The following KIF1A variants were observed in gnomAD, a reference collection of about 807,000 sequenced individuals.
The protein encoded by KIF1A is kinesin-like protein KIF1A.
Under a neutral mutation model 227.3 loss-of-function variants are expected in KIF1A, and 46 were observed. The ratio of observed to expected loss-of-function variants is 0.20; its 90% CI spans 0.16 to 0.26. The LOEUF (loss-of-function observed/expected upper bound fraction) is 0.26, where lower values mean the gene tolerates loss of function less well. KIF1A is among the 10% of genes least tolerant of loss of function. KIF1A has a pLI of 1.00. For synonymous variants in KIF1A, 1,022 were observed against 1,012.8 expected, an observed-to-expected ratio of 1.01 and a Z score of -0.17; for missense variants, 1,683 against 2,485.9, an observed-to-expected ratio of 0.68 and a Z score of 6.87.
Position 240,788,035 on chromosome 2 carries a change from G to GCCC in KIF1A, c.363+13_363+15dup. The stretch of plus-strand genomic sequence containing the variant: ...CCATCTGCCAGGGCTGCCCCCGCCC[G>GCCC]CCCCCCGCTTCGTGCCTGTGGGATG... On this transcript the variant is annotated intron_variant, in intron 4 of 48. Coordinates refer to ENST00000498729, the MANE Select transcript of KIF1A (RefSeq NM_001244008.2). The surrounding 1 kb of genome is among the most constrained non-coding windows in gnomAD (Gnocchi z 6.6). 1 of 729,724 alleles carries GCCC rather than the reference G, an allele frequency of 1.4e-6. No homozygotes were observed. The highest frequency in any genetic ancestry group is 2.0e-6 in the Non-Finnish European group (1 of 499,634). The allele number at this position is 729,724 out of a possible 1,614,324, so 45.2% of individuals were successfully genotyped here. A position where few individuals can be genotyped will look rare whatever the true frequency, so the allele number is the denominator to read the frequency against.
intron 20 of KIF1A, among the ~76,000 whole-genome samples, chr2:240,763,612 C>T (rs1049681473): frequency 3.3e-5 from 5 of 152,334 alleles, no homozygotes; most frequent in African/African-American, 9.6e-5. Context: ...CCAGTGTCCC[C>T]GCCCCTCCCC....
chr2:240,817,648 G>C (rs1305446151), intron 1 of KIF1A, among the ~76,000 whole-genome samples: 2 of 152,172 alleles, frequency 1.3e-5, no homozygotes, highest in Non-Finnish European at 2.9e-5. Flanking sequence ...CCCCAATCTG[G>C]TAGGACCAGG....
intron 47 of KIF1A, 38 bp downstream of exon 47, chr2:240,718,968 G>T (rs774852050): frequency 6.4e-7 from 1 of 1,550,812 alleles, no homozygotes; most frequent in Non-Finnish European, 8.9e-7. Flanking sequence ...CCCTGCTAGG[G>T]TTCCTGGTGC....
chr2:240,784,577 G>A (rs1174064996), intron 7 of KIF1A, among the ~76,000 whole-genome samples: 5 of 152,196 alleles, frequency 3.3e-5, no homozygotes, highest in African/African-American at 9.7e-5. Flanking sequence ...GCCCCTTTGC[G>A]CTCCCCACAC....
At chr2:240,727,248 G>C (rs1039873236) in intron 38 of KIF1A, among the ~76,000 whole-genome samples, 3 of 152,186 alleles carry the variant, frequency 2.0e-5, no homozygotes, top group African/African-American at 7.2e-5. Flanking sequence ...ATGAGAACAA[G>C]AAGGGCAGAG....
chr2:240,781,934 TTC>T (rs1559524965), intron 10 of KIF1A: 1 of 985,252 alleles, frequency 1.0e-6, no homozygotes. Flanking sequence ...ATTCACACAG[TTC>T]TCTGTCCCCA....
At chr2:240,782,258 TCTCCATGTCC>T in intron 10 of KIF1A, 4 of 950,000 alleles carry the variant, frequency 4.2e-6, no homozygotes, top group Non-Finnish European at 5.0e-6. Flanking sequence ...TCCCCAGCCC[TCTCCATGTCC>T]GAGGGGCTCC....
upstream of KIF1A, among the ~76,000 whole-genome samples, chr2:240,821,182 CTGGG>C (rs1246417184): frequency 6.6e-6 from 1 of 152,230 alleles, no homozygotes; most frequent in African/African-American, 2.4e-5. Context: ...AACCCCGGGG[CTGGG>C]TCCCCTCCAG....
chr2:240,765,630 G>A, intron 20 of KIF1A, 80 bp downstream of exon 20: 2 of 1,117,696 alleles, frequency 1.8e-6, no homozygotes, highest in South Asian at 2.6e-5. Flanking sequence ...TGCACAGGAG[G>A]CGGTGGCTTG....
At chr2:240,734,385 C>T (rs1049870652) in intron 38 of KIF1A, among the ~76,000 whole-genome samples, 7 of 151,926 alleles carry the variant, frequency 4.6e-5, no homozygotes, top group South Asian at 2.1e-4. Context: ...GGGTGTGGCG[C>T]GGGGCAGGCA....
intron 25 of KIF1A, among the ~76,000 whole-genome samples, chr2:240,760,187 G>A (rs570428068): frequency 3.9e-4 from 59 of 152,276 alleles, no homozygotes; most frequent in African/African-American, 1.3e-3. Context: ...CTTCCACTGG[G>A]CTCAGCTAAG....
chr2:240,780,543 G>T (rs1170930224), intron 10 of KIF1A, among the ~76,000 whole-genome samples: 1 of 151,950 alleles, frequency 6.6e-6, no homozygotes, highest in Non-Finnish European at 1.5e-5. Context: ...AGAGAGCTCT[G>T]CACGGTTCCC....
chr2:240,743,186 G>C (rs942708242), intron 33 of KIF1A, among the ~76,000 whole-genome samples: 1 of 152,172 alleles, frequency 6.6e-6, no homozygotes, highest in Non-Finnish European at 1.5e-5. Flanking sequence ...CAGGGAACCA[G>C]GGCAAGGGTC....
chr2:240,750,313 C>T (rs1049614380), intron 28 of KIF1A, 116 bp downstream of exon 28: 17 of 708,156 alleles, frequency 2.4e-5, no homozygotes, highest in Admixed American at 1.7e-4. Flanking sequence ...GGCCAGCTTC[C>T]CACTAACCAC....
At position 240,757,286 on chromosome 2, in the gene KIF1A, C is replaced by T. The variant is rs904953762; in HGVS notation, c.2858+33G>A. On this transcript the variant is annotated intron_variant, in intron 27 of 48. Transcript: ENST00000498729. The surrounding 1 kb of genome is among the most constrained non-coding windows in gnomAD (Gnocchi z 6.2). ...GTGCTCCTGTGCAAAAGAGCTGGGT[C>T]CTCCCCAGCATGCTCTCCTCGACCT... The T allele has an allele frequency of 1.3e-6, 2 of 1,535,464 alleles. No individual in the cohort carries two copies. The highest frequency in any genetic ancestry group is 2.7e-5 in the African/African-American group (2 of 72,816).
intron 10 of KIF1A, chr2:240,781,988 C>T (rs1377902815): frequency 2.4e-5 from 24 of 985,340 alleles, no homozygotes; most frequent in Non-Finnish European, 2.9e-5. Context: ...CCAGTGAGCA[C>T]CTCGCGGATC....
chr2:240,772,616 G>T lies in KIF1A; in HGVS notation c.1181-20C>A. 1.3e-6 allele frequency: 2 copies of T among 1,528,490 alleles called. No homozygotes were observed. Among genetic ancestry groups the T allele is most frequent in the South Asian group, 1.2e-5 (1 of 83,468 alleles). 94.7% of individuals were successfully genotyped at this position (1,528,490 alleles called of 1,614,324 possible). A position where few individuals can be genotyped will look rare whatever the true frequency, so the allele number is the denominator to read the frequency against. ...TGTTGGCTATGGGGGAGGGAAGCGT[G>T]GGGGAGGGGGAGAGACAGAGAAACA... is the stretch of plus-strand genomic sequence containing the variant. On this transcript the variant is annotated intron_variant, in intron 13 of 48. Coordinates refer to ENST00000498729, the MANE Select transcript of KIF1A (RefSeq NM_001244008.2).
At chr2:240,743,387 C>G (rs1025794589) in intron 33 of KIF1A, among the ~76,000 whole-genome samples, 3 of 152,222 alleles carry the variant, frequency 2.0e-5, no homozygotes, top group Admixed American at 6.5e-5. Flanking sequence ...CTGCAGTTCT[C>G]TCTGCACTCG....
At chr2:240,771,991 G>A (rs911861875) in intron 14 of KIF1A, among the ~76,000 whole-genome samples, 1 of 152,244 alleles carries the variant, frequency 6.6e-6, no homozygotes, top group Non-Finnish European at 1.5e-5. Flanking sequence ...AGCCAAGCTC[G>A]GGGAGGCACT....
Sources: gnomAD v4.1 joint callset for allele counts (sites outside exome capture counted in the v4.1 genomes callset) on GRCh38, gnomAD v4.1.1 for gene constraint, Gnocchi (gnomAD v3.1) non-coding constraint, MANE v1.5 for transcripts, NCBI Gene and HGNC (gene_info 2026-07-23, HGNC 2026-07-21) for gene names.